The following DMRT1 variants were observed in gnomAD, a reference collection of about 807,000 sequenced individuals.
DMRT1 encodes the protein doublesex- and mab-3-related transcription factor 1.
Under a neutral mutation model 32.3 loss-of-function variants are expected in DMRT1, and 7 were observed. The observed-to-expected ratio is 0.22, with a 90% CI of 0.12 to 0.41. DMRT1 has a LOEUF of 0.41. DMRT1 is among the 10% of genes least tolerant of loss of function. The pLI is 1.00. For missense variants in DMRT1, 625 were observed against 500.5 expected, an observed-to-expected ratio of 1.25 and a Z score of -2.37; for synonymous variants, 278 against 206.1, an observed-to-expected ratio of 1.35 and a Z score of -2.99.
chr9:930,442 C>T (rs1006299148), intron 4 of DMRT1, among the ~76,000 whole-genome samples: 43 of 151,020 alleles, frequency 2.8e-4, no homozygotes, highest in Non-Finnish European at 2.7e-4. Flanking sequence ...GACGGAGTTT[C>T]GCTCTGTCGC....
At chr9:859,910 TATA>T (rs1282309983) in intron 2 of DMRT1, among the ~76,000 whole-genome samples, 4 of 152,230 alleles carry the variant, frequency 2.6e-5, no homozygotes, top group Admixed American at 2.6e-4. Flanking sequence ...CCATTCAGCA[TATA>T]GTAACAGATG....
At chr9:904,983 G>A (rs1026839032) in intron 3 of DMRT1, among the ~76,000 whole-genome samples, 1 of 151,074 alleles carries the variant, frequency 6.6e-6, no homozygotes, top group African/African-American at 2.4e-5. Flanking sequence ...TCTTATTCCT[G>A]TTTCGATCAG....
At chr9:885,439 T>C (rs963297228) in intron 2 of DMRT1, among the ~76,000 whole-genome samples, 4 of 152,208 alleles carry the variant, frequency 2.6e-5, no homozygotes, top group African/African-American at 4.8e-5. Context: ...GGTTTTCCCC[T>C]GGAGTCAGGC....
intron 1 of DMRT1, among the ~76,000 whole-genome samples, chr9:844,743 A>G (rs1054126260): frequency 3.0e-5 from 4 of 134,954 alleles, no homozygotes; most frequent in South Asian, 4.6e-4. Context: ...TTTTTGAGAC[A>G]GGAGTCTCGC....
intron 4 of DMRT1, among the ~76,000 whole-genome samples, chr9:933,880 C>A (rs903453440): frequency 6.6e-6 from 1 of 152,164 alleles, no homozygotes; most frequent in Non-Finnish European, 1.5e-5. Flanking sequence ...TCACAAACAC[C>A]ATTTAAAGGT....
At chr9:849,761 G>A (rs1839059265) in intron 2 of DMRT1, among the ~76,000 whole-genome samples, 1 of 150,338 alleles carries the variant, frequency 6.7e-6, no homozygotes, top group South Asian at 2.1e-4. Context: ...CATTTGCTCA[G>A]GCACAGGTGG....
chr9:967,302 A>G (rs1280582907), intron 4 of DMRT1, among the ~76,000 whole-genome samples: 1 of 152,156 alleles, frequency 6.6e-6, no homozygotes, highest in Non-Finnish European at 1.5e-5. Flanking sequence ...TTCATATTTA[A>G]TGTGGGTTTT....
At chr9:951,928 G>T (rs1040984984) in intron 4 of DMRT1, among the ~76,000 whole-genome samples, 2 of 152,184 alleles carry the variant, frequency 1.3e-5, no homozygotes, top group African/African-American at 2.4e-5. Context: ...CAGGAAGGGA[G>T]GGGGGCCAGT....
chr9:899,862 C>T (rs968087698), intron 3 of DMRT1, among the ~76,000 whole-genome samples: 3 of 152,202 alleles, frequency 2.0e-5, no homozygotes, highest in Admixed American at 6.5e-5. Context: ...ACTGCTTTTC[C>T]AAAGCTTGTG....
chr9:927,580 C>G (rs1212343608), intron 4 of DMRT1, among the ~76,000 whole-genome samples: 1 of 152,162 alleles, frequency 6.6e-6, no homozygotes, highest in Non-Finnish European at 1.5e-5. Flanking sequence ...CTTTTGTTTT[C>G]TGAACACTGA....
At chr9:960,931 C>T (rs569844873) in intron 4 of DMRT1, among the ~76,000 whole-genome samples, 29 of 152,302 alleles carry the variant, frequency 1.9e-4, no homozygotes, top group Non-Finnish European at 4.1e-4. Flanking sequence ...GTTCAGACAG[C>T]ATCAGGTGCT....
intron 3 of DMRT1, among the ~76,000 whole-genome samples, chr9:902,321 C>G (rs1347397277): frequency 6.6e-6 from 1 of 151,192 alleles, no homozygotes; most frequent in Non-Finnish European, 1.5e-5. Context: ...CGCCTCCTTC[C>G]TACACCCCCT....
intron 2 of DMRT1, among the ~76,000 whole-genome samples, chr9:853,971 A>AT (rs1321354694): frequency 3.4e-5 from 5 of 146,862 alleles, no homozygotes; most frequent in South Asian, 4.4e-4. Flanking sequence ...AATTTTTAAA[A>AT]TTTTTCTTTC....
At chr9:919,166 T>A (rs79363193) in intron 4 of DMRT1, among the ~76,000 whole-genome samples, 5,518 of 152,306 alleles carry the variant, frequency 0.036, 328 homozygotes, top group East Asian at 0.17. Flanking sequence ...TTGATTGTGT[T>A]AATATGTAAG....
chr9:948,543 T>C (rs1320771490), intron 4 of DMRT1, among the ~76,000 whole-genome samples: 1 of 152,106 alleles, frequency 6.6e-6, no homozygotes, highest in Non-Finnish European at 1.5e-5. Context: ...GCCTCTCTGC[T>C]GGCCCGGGAC....
chr9:878,713 G>A (rs896375255), intron 2 of DMRT1, among the ~76,000 whole-genome samples: 2 of 152,070 alleles, frequency 1.3e-5, no homozygotes, highest in Non-Finnish European at 2.9e-5. Context: ...TTGCTTGATG[G>A]CAGAAAACGT....
rs779441983 is a variant in DMRT1, at chr9:894,146, G to C, written c.773G>C (p.Arg258Pro). The C allele has an allele frequency of 6.2e-7, 1 of 1,614,110 alleles. No homozygotes were observed. Among genetic ancestry groups the C allele is most frequent in the Non-Finnish European group, 8.5e-7 (1 of 1,180,034 alleles). ...GGATCCCCTGTGAAGAACAGCCTTC[G>C]GGGCCTCCCCGGACCTTATGTGCCT... ...LGGSPVKNSLRGLPGPYVPGQ... is the reference protein window; with the variant it reads ...LGGSPVKNSLPGLPGPYVPGQ... Residue 258 changes from arginine to proline, a missense_variant, in exon 3 of 5, where the codon CGG (arginine) becomes CCG (proline). Transcript: ENST00000382276.
chr9:881,294 A>G (rs1056961061), intron 2 of DMRT1, among the ~76,000 whole-genome samples: 1 of 152,230 alleles, frequency 6.6e-6, no homozygotes, highest in Non-Finnish European at 1.5e-5. Flanking sequence ...AATAAATTGA[A>G]CTAGGTATAA....
chr9:848,441 C>G (rs1266076600), intron 2 of DMRT1, among the ~76,000 whole-genome samples: 1 of 152,054 alleles, frequency 6.6e-6, no homozygotes, highest in African/African-American at 2.4e-5. Context: ...GTGTATTTTA[C>G]TGAAGTTACT....
Sources: allele counts gnomAD v4.1 joint callset (sites outside exome capture counted in the v4.1 genomes callset), GRCh38; gene constraint gnomAD v4.1.1; transcripts MANE v1.5; gene names NCBI Gene and HGNC (gene_info 2026-07-23, HGNC 2026-07-21).